Variants in EXT2 observed in about 807,000 individuals in gnomAD.
EXT2 encodes the protein exostosin glycosyltransferase 2, also known as exostosin-2.
In EXT2, 53 loss-of-function variants were observed where a neutral mutation model predicts 81.6. The ratio of observed to expected loss-of-function variants is 0.65; its 90% CI spans 0.52 to 0.82. The LOEUF is 0.82. Ranked by LOEUF, EXT2 falls within the 40% of genes least tolerant of loss-of-function variation. EXT2 has a pLI of 0.00. For missense variants in EXT2, 774 were observed against 910.2 expected, an observed-to-expected ratio of 0.85 and a Z score of 1.93; for synonymous variants, 320 against 340.0, an observed-to-expected ratio of 0.94 and a Z score of 0.65.
intron 5 of EXT2, among the ~76,000 whole-genome samples, chr11:44,125,554 T>C (rs1954388740): frequency 6.6e-6 from 1 of 152,132 alleles, no homozygotes; most frequent in African/African-American, 2.4e-5. Flanking sequence ...TGGGGATGTT[T>C]TATATGTAGG....
chr11:44,129,355 G>A (rs1479911769), intron 6 of EXT2, among the ~76,000 whole-genome samples: 2 of 152,194 alleles, frequency 1.3e-5, no homozygotes, highest in African/African-American at 2.4e-5. Context: ...TATACTCTTT[G>A]CTGTGACTCT....
chr11:44,206,840 G>A lies in EXT2; in HGVS notation c.1543G>A (p.Ala515Thr), dbSNP rs2135204655. 1 of 1,614,068 alleles carries A rather than the reference G, an allele frequency of 6.2e-7. No individual in the cohort carries two copies. The highest frequency in any genetic ancestry group is 8.5e-7 in the Non-Finnish European group (1 of 1,179,986). Residue 515 changes from alanine to threonine, a missense_variant, in exon 10 of 14, where the codon GCT (alanine) becomes ACT (threonine). Ala to Thr is a moderately conservative substitution (Grantham distance 58). Transcript: ENST00000533608. Reference sequence around the variant, plus strand: ...GGTTCCATTAAAAGTTGTGAGGACTGCTGAAAACAAGTTAAGTAACCGTTT... The same window carrying A: ...GGTTCCATTAAAAGTTGTGAGGACTACTGAAAACAAGTTAAGTAACCGTTT... ...IRVPLKVVRT[A>T]ENKLSNRFFP...
rs181678212 is a variant in EXT2 at position 44,240,910 on chromosome 11, G to A, written c.2019-3239G>A. On this transcript the variant is annotated intron_variant, in intron 13 of 13. Transcript: ENST00000533608. ...TGGCTGGTCTCCTGGCCTCAGACAG[G>A]CCTCCTGCCTCAGCCACCTGAGTAG... Among the ~76,000 whole-genome samples the A allele has an allele frequency of 3.9e-5, 6 of 152,228 alleles. No individual in the cohort carries two copies. The East Asian group carries it at 1.2e-3, about 29-fold the overall frequency.
rs116275503 is a variant in EXT2 at position 44,151,282 on chromosome 11, G to C, written c.1174-20329G>C. On this transcript the variant is annotated intron_variant, in intron 7 of 13. Coordinates refer to ENST00000533608, the MANE Select transcript of EXT2 (RefSeq NM_207122.2). ...ATAATTTACATTAGGGTTCACTCTTGATATTTTACATTGTATGGGTTTGGA... is the reference window on the plus strand; with the variant it reads ...ATAATTTACATTAGGGTTCACTCTTCATATTTTACATTGTATGGGTTTGGA... 3.4e-3 allele frequency among the ~76,000 whole-genome samples: 521 copies of C among 152,228 alleles called. 1 individual carries two copies. Among genetic ancestry groups the C allele is most frequent in the African/African-American group, 0.012 (491 of 41,546 alleles).
In EXT2 at chr11:44,220,318, T is replaced by C. The variant is rs565851144; in HGVS notation, c.1663-12035T>C. ...TTAAGTTGATGGGTGTGAGCTGTCT[T>C]TGAGCCTTGTGTATATATCTGAGTA... On this transcript the variant is annotated intron_variant, in intron 10 of 13. Coordinates refer to ENST00000533608, the MANE Select transcript of EXT2 (RefSeq NM_207122.2). The surrounding 1 kb of genome is among the most constrained non-coding windows in gnomAD (Gnocchi z 4.4). Among the ~76,000 whole-genome samples, 1 of 152,328 alleles carries C rather than the reference T, an allele frequency of 6.6e-6. No individual in the cohort carries two copies. Among genetic ancestry groups the C allele is most frequent in the Admixed American group, 6.5e-5 (1 of 15,304 alleles).
intron 8 of EXT2, 49 bp from the exon 9 acceptor site, chr11:44,197,780 A>G (rs755034188): frequency 2.5e-6 from 4 of 1,597,402 alleles, no homozygotes; most frequent in South Asian, 2.2e-5. Context: ...TGGGTCAGCC[A>G]TATTGTTACA....
chr11:44,101,879 C>T (rs1470655689), intron 1 of EXT2, among the ~76,000 whole-genome samples: 8 of 148,668 alleles, frequency 5.4e-5, no homozygotes, highest in Non-Finnish European at 8.9e-5. Flanking sequence ...CACTCTGATG[C>T]GAATAGAACA....
At chr11:44,110,027 A>T (rs901720374) in intron 3 of EXT2, among the ~76,000 whole-genome samples, 1 of 152,160 alleles carries the variant, frequency 6.6e-6, no homozygotes, top group Non-Finnish European at 1.5e-5. Context: ...GCAATATATA[A>T]GCGTCGCGGG....
intron 7 of EXT2, among the ~76,000 whole-genome samples, chr11:44,170,538 A>G (rs982361674): frequency 2.5e-4 from 38 of 152,236 alleles, no homozygotes; most frequent in Non-Finnish European, 7.3e-5. Flanking sequence ...TTTTAAAAAA[A>G]GATTAACAAA....
rs1954074944 is a variant in EXT2, at chr11:44,107,698, GC to G, written c.-14del. ...TGGTGACCAGGAGTGTGAGGAAGAG[GC>G]TGTCTGTGTCATTATGTGTGCGTCG... is the stretch of plus-strand genomic sequence containing the variant. On this transcript the variant is annotated 5_prime_UTR_variant, in exon 2 of 14. Transcript: ENST00000533608. 7 of 1,611,136 alleles carry G rather than the reference GC, an allele frequency of 4.3e-6. No homozygotes were observed. Among genetic ancestry groups the G allele is most frequent in the African/African-American group, 2.7e-5 (2 of 74,846 alleles).
intron 2 of EXT2, 52 bp downstream of exon 2, chr11:44,108,300 AG>A: frequency 6.4e-7 from 1 of 1,563,620 alleles, no homozygotes; most frequent in Non-Finnish European, 8.7e-7. Flanking sequence ...AGTGGCCCTC[AG>A]GGAACTAAAG....
rs1956134257 is a variant in EXT2, at chr11:44,251,061, G to A, written c.*6774G>A. Among the ~76,000 whole-genome samples, 1 of 152,156 alleles carries A rather than the reference G, an allele frequency of 6.6e-6. No homozygotes were observed. Among genetic ancestry groups the A allele is most frequent in the Non-Finnish European group, 1.5e-5 (1 of 68,028 alleles). ...CCAAAATACCTTGTCCTGTTTTCTG[G>A]ATATAGTTCCAATAATTTTTTTCCT... On this transcript the variant is annotated 3_prime_UTR_variant, in exon 14 of 14. Coordinates refer to ENST00000533608, the MANE Select transcript of EXT2 (RefSeq NM_207122.2).
At chr11:44,228,671 G>A (rs1020375398) in intron 10 of EXT2, among the ~76,000 whole-genome samples, 1 of 152,126 alleles carries the variant, frequency 6.6e-6, no homozygotes, top group Non-Finnish European at 1.5e-5. Context: ...CACTATAAAG[G>A]CTCCAAAGCA....
At chr11:44,199,191 T>G (rs959854099) in intron 9 of EXT2, among the ~76,000 whole-genome samples, 43 of 152,128 alleles carry the variant, frequency 2.8e-4, no homozygotes, top group African/African-American at 1.0e-3. Flanking sequence ...TTTTGTTTGA[T>G]ACTTAATAAG....
chr11:44,195,415 C>T (rs1046711130), intron 8 of EXT2, among the ~76,000 whole-genome samples: 2 of 140,808 alleles, frequency 1.4e-5, no homozygotes. Context: ...GCCTGGGCAA[C>T]GAGTGAAACT....
intron 10 of EXT2, among the ~76,000 whole-genome samples, chr11:44,216,812 G>GT (rs1239592882): frequency 1.3e-5 from 2 of 151,494 alleles, no homozygotes; most frequent in Non-Finnish European, 2.9e-5. Context: ...GGGAAGAGAT[G>GT]TAAGATAAAT....
chr11:44,107,217 T>TA (rs1476595430), intron 1 of EXT2, among the ~76,000 whole-genome samples: 1 of 152,020 alleles, frequency 6.6e-6, no homozygotes, highest in Non-Finnish European at 1.5e-5. Context: ...TATATCTAGA[T>TA]ATATATTTCT....
At position 44,107,755 on chromosome 11, in the gene EXT2, A is replaced by G. The variant is rs1954076604; in HGVS notation, c.43A>G (p.Ile15Val). 6.2e-7 allele frequency: 1 copy of G among 1,614,208 alleles called. No homozygotes were observed. Among genetic ancestry groups the G allele is most frequent in the East Asian group, 2.2e-5 (1 of 44,884 alleles). ...VKYNIRGPALIPRMKTKHRIY... is the reference protein window; with the variant it reads ...VKYNIRGPALVPRMKTKHRIY... ...GTATAATATCCGGGGTCCTGCCCTC[A>G]TCCCAAGAATGAAGACCAAGCACCG... The change falls in exon 2 of 14, where the codon ATC (isoleucine) becomes GTC (valine). Residue 15 changes from isoleucine (I) to valine (V), a missense_variant. Physicochemically the swap from Ile to Val is conservative, Grantham distance 29. Transcript: ENST00000533608.
At chr11:44,146,446 C>T (rs4755782) in intron 7 of EXT2, among the ~76,000 whole-genome samples, 86,230 of 151,922 alleles carry the variant, frequency 0.57, 24,936 homozygotes, top group Middle Eastern at 0.71. Context: ...GGTGTTTTCT[C>T]CTAACTCCAT....
Sources: gnomAD v4.1 joint callset for allele counts (sites outside exome capture counted in the v4.1 genomes callset) on GRCh38, gnomAD v4.1.1 for gene constraint, Gnocchi (gnomAD v3.1) non-coding constraint, MANE v1.5 for transcripts, NCBI Gene and HGNC (gene_info 2026-07-23, HGNC 2026-07-21) for gene names.